The following SOX5 variants were observed in gnomAD, a reference collection of about 807,000 sequenced individuals.
SOX5 encodes transcription factor SOX-5.
In SOX5, 9 loss-of-function variants were observed where a neutral mutation model predicts 92.0. The observed-to-expected ratio is 0.10, with a 90% CI of 0.06 to 0.17. The LOEUF is 0.17. Among genes scored for constraint, SOX5 ranks in the 10% least tolerant of loss-of-function variants. The pLI, the probability that SOX5 is intolerant of heterozygous loss-of-function variation, is 1.00. For synonymous variants in SOX5, 344 were observed against 336.3 expected, an observed-to-expected ratio of 1.02 and a Z score of -0.25; for missense variants, 642 against 944.5, an observed-to-expected ratio of 0.68 and a Z score of 4.20.
intron 3 of SOX5, among the ~76,000 whole-genome samples, chr12:23,804,332 A>G (rs899031493): frequency 6.6e-6 from 1 of 152,160 alleles, no homozygotes. Context: ...ATAGATCCAT[A>G]TCTATAACAG....
chr12:23,930,358 C>T (rs1296946050), intron 1 of SOX5, among the ~76,000 whole-genome samples: 2 of 151,636 alleles, frequency 1.3e-5, no homozygotes, highest in Non-Finnish European at 2.9e-5. Flanking sequence ...TAAATATGCT[C>T]AGTTTGATAT....
intron 1 of SOX5, among the ~76,000 whole-genome samples, chr12:24,538,060 A>C (rs1010646221): frequency 6.6e-6 from 1 of 152,206 alleles, no homozygotes; most frequent in Non-Finnish European, 1.5e-5. Context: ...CATTAACGGG[A>C]AGCAATATTC....
At chr12:24,145,809 A>G (rs1159529435) in intron 4 of SOX5, among the ~76,000 whole-genome samples, 1 of 152,174 alleles carries the variant, frequency 6.6e-6, no homozygotes, top group Non-Finnish European at 1.5e-5. Context: ...TGTGGCCAAT[A>G]CCATTAATTT....
intron 4 of SOX5, among the ~76,000 whole-genome samples, chr12:24,043,387 C>G (rs927451251): frequency 6.6e-6 from 1 of 152,172 alleles, no homozygotes; most frequent in Non-Finnish European, 1.5e-5. Flanking sequence ...TTGTGTTCAA[C>G]TATTTTGTAT....
chr12:23,950,990 CA>C, upstream of SOX5: 1 of 777,550 alleles, frequency 1.3e-6, no homozygotes, highest in Non-Finnish European at 2.2e-6. Flanking sequence ...CACACACACA[CA>C]CACACACACA....
upstream of SOX5, among the ~76,000 whole-genome samples, chr12:23,954,465 AAG>A (rs1946041548): frequency 4.0e-5 from 6 of 151,786 alleles, no homozygotes; most frequent in South Asian, 2.1e-4. Flanking sequence ...AAAAAAAAGA[AAG>A]AAAGAAAGAA....
intron 9 of SOX5, among the ~76,000 whole-genome samples, chr12:23,582,637 T>G (rs1482122227): frequency 6.6e-6 from 1 of 152,138 alleles, no homozygotes; most frequent in East Asian, 1.9e-4. Context: ...CAGGAATTCT[T>G]TGATAGGTAT....
chr12:23,931,690 T>A (rs1292948133), intron 1 of SOX5, among the ~76,000 whole-genome samples: 16 of 151,732 alleles, frequency 1.1e-4, no homozygotes, highest in Admixed American at 1.1e-3. Context: ...TATTTCTGAT[T>A]TTCAATTTGT....
intron 6 of SOX5, among the ~76,000 whole-genome samples, chr12:23,670,494 A>C (rs994614976): frequency 6.6e-6 from 1 of 152,126 alleles, no homozygotes; most frequent in African/African-American, 2.4e-5. Flanking sequence ...CAAATGTAGG[A>C]AAGAGAGAAA....
chr12:23,891,418 C>T (rs1394340338), intron 2 of SOX5, among the ~76,000 whole-genome samples: 3 of 152,166 alleles, frequency 2.0e-5, no homozygotes, highest in African/African-American at 4.8e-5. Context: ...AGAACTCTTT[C>T]CAACTTAAGT....
intron 1 of SOX5, among the ~76,000 whole-genome samples, chr12:23,923,827 C>A (rs1371934020): frequency 6.6e-6 from 1 of 152,064 alleles, no homozygotes; most frequent in Non-Finnish European, 1.5e-5. Flanking sequence ...GTCCTTTCAA[C>A]CCTATTCTGG....
chr12:24,345,361 C>A (rs1953104225), intron 2 of SOX5, among the ~76,000 whole-genome samples: 1 of 152,170 alleles, frequency 6.6e-6, no homozygotes, highest in African/African-American at 2.4e-5. Flanking sequence ...ACACCAACTT[C>A]CAAGCCAGCT....
chr12:24,083,743 G>A (rs961833802), intron 4 of SOX5, among the ~76,000 whole-genome samples: 1 of 151,956 alleles, frequency 6.6e-6, no homozygotes, highest in African/African-American at 2.4e-5. Context: ...GGAGAAGCAA[G>A]AAGGAATAAA....
At chr12:23,559,114 C>A (rs1427397714) in intron 11 of SOX5, among the ~76,000 whole-genome samples, 1 of 152,130 alleles carries the variant, frequency 6.6e-6, no homozygotes. Flanking sequence ...ATCAGGACAA[C>A]AAAAACTGAG....
intron 4 of SOX5, among the ~76,000 whole-genome samples, chr12:23,750,322 T>C (rs2094142561): frequency 6.6e-6 from 1 of 151,910 alleles, no homozygotes; most frequent in African/African-American, 2.4e-5. Flanking sequence ...TAAGAAGATG[T>C]TCACTAAGTG....
intron 4 of SOX5, among the ~76,000 whole-genome samples, chr12:24,048,439 A>C (rs979938377): frequency 1.2e-4 from 18 of 152,214 alleles, no homozygotes; most frequent in Non-Finnish European, 2.2e-4. Flanking sequence ...GTGTTCTTCA[A>C]AATATTAAAC....
intron 4 of SOX5, among the ~76,000 whole-genome samples, chr12:24,028,188 T>C (rs1021147025): frequency 2.6e-5 from 4 of 151,984 alleles, no homozygotes; most frequent in African/African-American, 9.7e-5. Context: ...CCAACACTTT[T>C]GTAATTACAC....
chr12:23,992,177 TTTGGTCTGGCAACACCCTTAAAGGAAG>T (rs1354882829), intron 4 of SOX5, among the ~76,000 whole-genome samples: 3 of 149,602 alleles, frequency 2.0e-5, no homozygotes, highest in Non-Finnish European at 2.9e-5. Context: ...TTTGAGGAGC[TTTGGTCTGGCAACACCCTTAAAGGAAG>T]TTGGTCTGGC....
chr12:23,903,880 A>T (rs2097263545), intron 1 of SOX5, among the ~76,000 whole-genome samples: 1 of 152,234 alleles, frequency 6.6e-6, no homozygotes, highest in Non-Finnish European at 1.5e-5. Flanking sequence ...CCAATATGGC[A>T]ATTCAAAACA....
Sources: allele counts gnomAD v4.1 joint callset (sites outside exome capture counted in the v4.1 genomes callset), GRCh38; gene constraint gnomAD v4.1.1; transcripts MANE v1.5; gene names NCBI Gene and HGNC (gene_info 2026-07-23, HGNC 2026-07-21).